The following FARP1 variants were observed in gnomAD, a reference collection of about 807,000 sequenced individuals.
The protein encoded by FARP1 is FERM, ARH/RhoGEF and pleckstrin domain protein 1, also known as FERM, ARHGEF and pleckstrin domain-containing protein 1.
FARP1 carries 52 observed loss-of-function variants against 128.8 expected under a neutral mutation model. That is an observed-to-expected ratio of 0.40 (90% CI 0.32 to 0.51). The LOEUF is 0.51. FARP1 is among the 20% of genes least tolerant of loss of function. The probability of loss-of-function intolerance (pLI) is 0.45; values close to 1 mark genes in which losing one functional copy is unlikely to be tolerated. For missense variants in FARP1, 1,333 were observed against 1,367.9 expected (o/e 0.97, Z 0.40); for synonymous variants, 580 against 551.8 (o/e 1.05, Z -0.72).
chr13:98,182,282 G>A (rs1267449303), intron 1 of FARP1, among the ~76,000 whole-genome samples: 6 of 151,930 alleles, frequency 3.9e-5, no homozygotes, highest in East Asian at 1.9e-4. Flanking sequence ...CCTTGCTTGA[G>A]TTTTAAATTT....
intron 1 of FARP1, among the ~76,000 whole-genome samples, chr13:98,152,163 C>G (rs181295431): frequency 1.2e-4 from 18 of 152,340 alleles, no homozygotes; most frequent in African/African-American, 4.1e-4. Flanking sequence ...GACACAGATG[C>G]ATTCTGTCCT....
chr13:98,166,563 C>T (rs773872106), intron 1 of FARP1, among the ~76,000 whole-genome samples: 2 of 152,138 alleles, frequency 1.3e-5, no homozygotes, highest in Non-Finnish European at 2.9e-5. Context: ...GCCCAAGGTT[C>T]ACCTCAAGTA....
intron 18 of FARP1, 91 bp downstream of exon 18, chr13:98,431,371 G>A (rs1892014815): frequency 5.2e-6 from 4 of 775,338 alleles, no homozygotes; most frequent in South Asian, 1.8e-5. Context: ...GGGGCTCCCC[G>A]GGGAGAGAGG....
intron 2 of FARP1, among the ~76,000 whole-genome samples, chr13:98,280,245 T>A (rs552650429): frequency 1.6e-4 from 24 of 152,020 alleles, no homozygotes; most frequent in Non-Finnish European, 2.8e-4. Flanking sequence ...GCTTCCGGGG[T>A]CTCCGGGATC....
intron 1 of FARP1, among the ~76,000 whole-genome samples, chr13:98,185,900 G>A (rs1263374226): frequency 6.6e-6 from 1 of 152,054 alleles, no homozygotes; most frequent in South Asian, 2.1e-4. Context: ...GTTTTTCCAT[G>A]TTGACTAGGC....
At chr13:98,207,910 A>C (rs1293718653) in intron 1 of FARP1, among the ~76,000 whole-genome samples, 10 of 62,208 alleles carry the variant, frequency 1.6e-4, no homozygotes, top group Non-Finnish European at 3.1e-4. Flanking sequence ...CACCACCTCC[A>C]CACACACACA....
intron 3 of FARP1, among the ~76,000 whole-genome samples, chr13:98,358,086 T>C (rs1325298888): frequency 3.3e-5 from 5 of 151,808 alleles, no homozygotes; most frequent in Admixed American, 2.6e-4. Context: ...TTTTTTTTTT[T>C]CCTGACCTTG....
chr13:98,222,350 C>T (rs1881461775), intron 2 of FARP1, among the ~76,000 whole-genome samples: 1 of 152,216 alleles, frequency 6.6e-6, no homozygotes, highest in African/African-American at 2.4e-5. Context: ...GTGTGCCAGA[C>T]ATTGTGCCAA....
chr13:98,373,382 T>A (rs965386476), intron 5 of FARP1, among the ~76,000 whole-genome samples: 9 of 152,104 alleles, frequency 5.9e-5, no homozygotes, highest in African/African-American at 2.2e-4. Context: ...GAAAAACCGA[T>A]TAGAAATTTG....
chr13:98,311,240 C>T (rs978792514), intron 2 of FARP1, among the ~76,000 whole-genome samples: 2 of 152,186 alleles, frequency 1.3e-5, no homozygotes, highest in African/African-American at 2.4e-5. Context: ...TCATTTTGCA[C>T]ATGGGAAACT....
intron 1 of FARP1, among the ~76,000 whole-genome samples, chr13:98,186,182 C>A (rs2058458437): frequency 1.3e-5 from 2 of 152,134 alleles, no homozygotes; most frequent in Non-Finnish European, 2.9e-5. Flanking sequence ...TCTTGGCTCA[C>A]CGCAACCTCT....
chr13:98,149,632 C>T (rs1185363466), intron 1 of FARP1, among the ~76,000 whole-genome samples: 2 of 68,512 alleles, frequency 2.9e-5, no homozygotes, highest in Non-Finnish European at 4.6e-5. Context: ...AGTGATATCT[C>T]ACTGTGGTTT....
rs1566935273 is a variant in FARP1, at chr13:98,379,172, C to CTATATAA, written c.496+1260_496+1261insATATATA. On this transcript the variant is annotated intron_variant, in intron 6 of 26. Transcript: ENST00000319562. ...ATATAATATATATATAATATATAAT[C>CTATATAA]TATATATAATATATATAATATATAA... Among the ~76,000 whole-genome samples the CTATATAA allele has an allele frequency of 5.0e-4, 42 of 83,334 alleles. 9 individuals are homozygous for CTATATAA. The highest frequency in any genetic ancestry group is 2.2e-3 in the African/African-American group (41 of 18,820). The allele number at this position is 83,334 out of a possible 152,430, so 54.7% of individuals were successfully genotyped here. A position where few individuals can be genotyped will look rare whatever the true frequency, so the allele number is the denominator to read the frequency against.
chr13:98,262,491 A>G (rs758474732), intron 2 of FARP1, among the ~76,000 whole-genome samples: 5 of 152,148 alleles, frequency 3.3e-5, no homozygotes, highest in Non-Finnish European at 7.4e-5. Context: ...ATTGAAGATC[A>G]TGGAAAGCTG....
At chr13:98,299,530 G>A (rs1209442201) in intron 2 of FARP1, among the ~76,000 whole-genome samples, 8 of 152,194 alleles carry the variant, frequency 5.3e-5, no homozygotes, top group African/African-American at 1.9e-4. Context: ...GAGCAATTGT[G>A]TGTGGAGTTA....
At chr13:98,330,558 C>G (rs1455724719) in intron 2 of FARP1, among the ~76,000 whole-genome samples, 1 of 151,978 alleles carries the variant, frequency 6.6e-6, no homozygotes, top group African/African-American at 2.4e-5. Flanking sequence ...AGTTCGAGAC[C>G]AGCCTGACCA....
intron 2 of FARP1, chr13:98,340,645 C>A (rs1230067167): frequency 6.6e-6 from 1 of 152,184 alleles, no homozygotes; most frequent in Non-Finnish European, 1.5e-5. Flanking sequence ...CATGCCCGGC[C>A]TATAATGTTC....
At chr13:98,185,925 T>TCTC (rs1401735241) in intron 1 of FARP1, among the ~76,000 whole-genome samples, 1 of 152,152 alleles carries the variant, frequency 6.6e-6, no homozygotes, top group East Asian at 1.9e-4. Context: ...CTCGAACTCC[T>TCTC]GACCTCAGGT....
chr13:98,413,139 GCTTTGTA>G (rs1891253821), intron 16 of FARP1, among the ~76,000 whole-genome samples: 1 of 152,204 alleles, frequency 6.6e-6, no homozygotes, highest in Non-Finnish European at 1.5e-5. Flanking sequence ...GTGATGTCCG[GCTTTGTA>G]CATTTTTTAT....
Sources: gnomAD v4.1 joint callset for allele counts (sites outside exome capture counted in the v4.1 genomes callset) on GRCh38, gnomAD v4.1.1 for gene constraint, MANE v1.5 for transcripts, NCBI Gene and HGNC (gene_info 2026-07-23, HGNC 2026-07-21) for gene names.